The following RGPD8 variants were observed in gnomAD, a reference collection of about 807,000 sequenced individuals.
RGPD8 encodes the protein RANBP2-like and GRIP domain-containing protein 8.
A neutral mutation model predicts 89.1 loss-of-function variants in RGPD8; 15 were observed. The observed-to-expected ratio is 0.17, with a 90% CI of 0.11 to 0.26. The LOEUF (loss-of-function observed/expected upper bound fraction) is 0.26. Among genes scored for constraint, RGPD8 ranks in the 10% least tolerant of loss-of-function variants. The pLI is 1.00. For synonymous variants in RGPD8, 62 were observed against 420.9 expected (o/e 0.15, Z 10.44); for missense variants, 178 against 1,179.6 (o/e 0.15, Z 12.44).
At chr2:112,429,087 C>T (rs1300963744) in intron 1 of RGPD8, among the ~76,000 whole-genome samples, 1 of 151,508 alleles carries the variant, frequency 6.6e-6, no homozygotes, top group African/African-American at 2.4e-5. Context: ...ACCAAAGTGT[C>T]TGAGGACAGT....
chr2:112,371,868 T>G (rs1228385215), intron 22 of RGPD8, among the ~76,000 whole-genome samples: 1 of 150,832 alleles, frequency 6.6e-6, no homozygotes, highest in East Asian at 1.9e-4. Context: ...TTCAAAATTT[T>G]ACATGGGGAA....
chr2:112,427,244 TTAAAG>T (rs1236081448), intron 1 of RGPD8, among the ~76,000 whole-genome samples: 1 of 152,188 alleles, frequency 6.6e-6, no homozygotes, highest in South Asian at 2.1e-4. Flanking sequence ...AACTATGTTA[TTAAAG>T]TAGACAATCT....
At chr2:112,422,192 G>A (rs1335897416) in intron 3 of RGPD8, 80 bp from the exon 4 acceptor site, 6 of 130,656 alleles carry the variant, frequency 4.6e-5, no homozygotes, top group Non-Finnish European at 8.8e-5. Flanking sequence ...ATACATAAAG[G>A]TTAAAAATTA....
chr2:112,415,840 A>T (rs1290766293), intron 6 of RGPD8, among the ~76,000 whole-genome samples: 1 of 147,824 alleles, frequency 6.8e-6, no homozygotes, highest in African/African-American at 2.5e-5. Flanking sequence ...CCGAGACTGC[A>T]CCACTGCATG....
intron 18 of RGPD8, among the ~76,000 whole-genome samples, chr2:112,391,625 T>C (rs974177637): frequency 5.3e-5 from 7 of 131,640 alleles, no homozygotes; most frequent in Non-Finnish European, 1.1e-4. Flanking sequence ...CTCATACAGA[T>C]GTACAAACTG....
chr2:112,428,859 G>A (rs1385152736), intron 1 of RGPD8, among the ~76,000 whole-genome samples: 11 of 150,922 alleles, frequency 7.3e-5, no homozygotes, highest in African/African-American at 2.4e-4. Context: ...CCAGGAAAAC[G>A]TGGGTGCAGC....
intron 7 of RGPD8, among the ~76,000 whole-genome samples, chr2:112,408,647 A>G: frequency 6.6e-6 from 1 of 151,618 alleles, no homozygotes; most frequent in African/African-American, 2.4e-5. Context: ...AATCCACTCA[A>G]TCAAATCATC....
At chr2:112,415,918 C>T (rs1333198821) in intron 6 of RGPD8, among the ~76,000 whole-genome samples, 1 of 151,616 alleles carries the variant, frequency 6.6e-6, no homozygotes, top group South Asian at 2.1e-4. Flanking sequence ...TCCTGAACCC[C>T]GTCTCTACTA....
intron 1 of RGPD8, chr2:112,432,407 G>C (rs1680080723): frequency 1.2e-6 from 1 of 833,442 alleles, no homozygotes. Context: ...TGAGTATGAG[G>C]AGTGGAGTGG....
At position 112,374,909 on chromosome 2, in the gene RGPD8, C is replaced by G. The variant is rs1190201556; in HGVS notation, c.5263+3144G>C. On this transcript the variant is annotated intron_variant, in intron 22 of 22. Transcript: ENST00000302558. ...AGGAGTTTTGCTCTTGTTGCTTGGG[C>G]TGGAGTGCAATGGCACCATCTCGGC... Among the ~76,000 whole-genome samples, 1,149 of 128,000 alleles carry G rather than the reference C, an allele frequency of 9.0e-3. 10 individuals carry two copies. Among genetic ancestry groups the G allele is most frequent in the African/African-American group, 0.033 (1,091 of 32,740 alleles). The allele number at this position is 128,000 out of a possible 152,430, so 84.0% of individuals were successfully genotyped here.
In RGPD8 at chr2:112,390,091, T is replaced by C. The variant is rs770922382; in HGVS notation, c.2854A>G (p.Arg952Gly). 5.7e-6 allele frequency: 9 copies of C among 1,586,212 alleles called. 1 individual carries two copies. In the African/African-American group the frequency reaches 8.2e-5, roughly 14 times the overall value. The change falls in exon 20 of 23, where the codon AGG becomes GGG. Residue 952 changes from arginine (R) to glycine (G), a missense_variant. Arg to Gly is a moderately radical substitution (Grantham distance 125, BLOSUM62 -2). Transcript: ENST00000302558. ...NDTGLQAQDIRGRKKGRGVIF... is the reference protein window; with the variant it reads ...NDTGLQAQDIGGRKKGRGVIF... Reference sequence around the variant, plus strand: ...ACACCACGGCCCTTCTTCCGGCCCCTAATATCCTGAGCCTGTAAGCCAGTA... The same window carrying C: ...ACACCACGGCCCTTCTTCCGGCCCCCAATATCCTGAGCCTGTAAGCCAGTA...
chr2:112,431,906 G>T (rs1558993783), intron 1 of RGPD8, among the ~76,000 whole-genome samples: 1 of 152,110 alleles, frequency 6.6e-6, no homozygotes, highest in Non-Finnish European at 1.5e-5. Flanking sequence ...TCCCAAAGTG[G>T]TGGGATTACA....
intron 3 of RGPD8, 98 bp downstream of exon 3, chr2:112,422,450 T>G: frequency 6.5e-7 from 1 of 1,541,762 alleles, no homozygotes; most frequent in East Asian, 2.4e-5. Flanking sequence ...ATGCCTGTTT[T>G]ATGATATTTA....
intron 1 of RGPD8, among the ~76,000 whole-genome samples, chr2:112,429,995 C>T (rs1490556997): frequency 1.3e-5 from 2 of 152,096 alleles, no homozygotes; most frequent in African/African-American, 4.8e-5. Flanking sequence ...TTAATAGAGA[C>T]AGATTTTCAC....
At position 112,422,558 on chromosome 2, in the gene RGPD8, T is replaced by C. The variant is rs1679600950; in HGVS notation, c.242A>G (p.Glu81Gly). 6.2e-7 allele frequency: 1 copy of C among 1,610,234 alleles called. No individual in the cohort carries two copies. The highest frequency in any genetic ancestry group is 1.7e-5 in the Admixed American group (1 of 59,856). ...AATCCTATAACTTACCCTGTAACATTCAACGGCTTTCTCTGTGTTTTCTTC... is the reference window on the plus strand; with the variant it reads ...AATCCTATAACTTACCCTGTAACATCCAACGGCTTTCTCTGTGTTTTCTTC... Reference protein sequence around the residue: ...ELEENTEKAVECYRRSVELNP... With the variant: ...ELEENTEKAVGCYRRSVELNP... Residue 81 changes from glutamate to glycine, a missense_variant, in exon 3 of 23, where the codon GAA becomes GGA. Coordinates refer to ENST00000302558, the MANE Select transcript of RGPD8 (RefSeq NM_001164463.1).
chr2:112,415,307 C>A (rs1298595217), intron 6 of RGPD8, among the ~76,000 whole-genome samples: 2 of 152,208 alleles, frequency 1.3e-5, no homozygotes, highest in Non-Finnish European at 2.9e-5. Context: ...ATGGCATGAA[C>A]CTGGGAGGTT....
chr2:112,371,576 C>A (rs1303098003), intron 22 of RGPD8, among the ~76,000 whole-genome samples: 4 of 24,314 alleles, frequency 1.6e-4, no homozygotes, highest in African/African-American at 6.9e-4. Flanking sequence ...AGATCTTCCT[C>A]GTTTTTAGCA....
intron 1 of RGPD8, among the ~76,000 whole-genome samples, chr2:112,432,080 G>GT (rs1247963540): frequency 1.3e-5 from 2 of 152,184 alleles, no homozygotes; most frequent in African/African-American, 4.8e-5. Context: ...GATGAAAAGT[G>GT]TAAGTGGCCC....
intron 1 of RGPD8, among the ~76,000 whole-genome samples, chr2:112,431,044 G>A (rs1286447796): frequency 6.6e-6 from 1 of 152,134 alleles, no homozygotes; most frequent in South Asian, 2.1e-4. Context: ...TTGAGCCCAG[G>A]AGTTCAAGAA....
Sources: allele counts gnomAD v4.1 joint callset (sites outside exome capture counted in the v4.1 genomes callset), GRCh38; gene constraint gnomAD v4.1.1; transcripts MANE v1.5; gene names NCBI Gene and HGNC (gene_info 2026-07-23, HGNC 2026-07-21).